ZFR: variants seen among roughly 807,000 people sequenced by gnomAD.
ZFR encodes the protein zinc finger RNA binding protein, also known as zinc finger RNA-binding protein.
ZFR carries 19 observed loss-of-function variants against 130.7 expected under a neutral mutation model. The observed-to-expected ratio is 0.15, with a 90% CI of 0.10 to 0.21. The LOEUF (loss-of-function observed/expected upper bound fraction) is 0.21, where lower values mean the gene tolerates loss of function less well. Among genes scored for constraint, ZFR ranks in the 10% least tolerant of loss-of-function variants. The probability of loss-of-function intolerance (pLI) is 1.00; values close to 1 mark genes in which losing one functional copy is unlikely to be tolerated. For missense variants in ZFR, 872 were observed against 1,321.5 expected (o/e 0.66, Z 5.27); for synonymous variants, 466 against 456.9 (o/e 1.02, Z -0.25).
chr5:32,407,875 G>T (rs1015388273), intron 5 of ZFR, among the ~76,000 whole-genome samples: 1 of 152,074 alleles, frequency 6.6e-6, no homozygotes, highest in Non-Finnish European at 1.5e-5. Context: ...ATCTGTGAAC[G>T]TGGAGACGGG....
At chr5:32,424,456 A>G (rs1754026782) in intron 2 of ZFR, among the ~76,000 whole-genome samples, 1 of 151,914 alleles carries the variant, frequency 6.6e-6, no homozygotes, top group Non-Finnish European at 1.5e-5. Flanking sequence ...GCGTGAGCCC[A>G]GAAGGCGGAG....
intron 15 of ZFR, among the ~76,000 whole-genome samples, chr5:32,385,264 CAAG>C (rs1753020573): frequency 6.6e-6 from 1 of 151,560 alleles, no homozygotes; most frequent in Non-Finnish European, 1.5e-5. Context: ...CTGAGGTTAG[CAAG>C]AAAAGAAAGA....
At chr5:32,366,153 A>G (rs2111666941) in intron 17 of ZFR, among the ~76,000 whole-genome samples, 1 of 152,360 alleles carries the variant, frequency 6.6e-6, no homozygotes, top group East Asian at 1.9e-4. Context: ...GATTTTGGAA[A>G]GAATGTGAGA....
chr5:32,379,933 T>C (rs1321480574), intron 16 of ZFR, 142 bp downstream of exon 16: 3 of 592,942 alleles, frequency 5.1e-6, no homozygotes, highest in African/African-American at 3.7e-5. Flanking sequence ...CCCAGCTTTC[T>C]ATGTTAACAT....
intron 5 of ZFR, among the ~76,000 whole-genome samples, chr5:32,410,283 C>A (rs1410904076): frequency 4.0e-4 from 45 of 113,154 alleles, no homozygotes; most frequent in East Asian, 2.1e-3. Context: ...ACACTGTCTC[C>A]AAAAAAAAAA....
intron 19 of ZFR, among the ~76,000 whole-genome samples, chr5:32,361,728 C>T (rs867335818): frequency 2.0e-5 from 3 of 150,564 alleles, no homozygotes; most frequent in Admixed American, 1.3e-4. Context: ...AAGCGATTCT[C>T]GTGCCTTAGT....
Position 32,388,536 on chromosome 5 carries a change from T to A in ZFR, c.2281A>T (p.Ser761Cys). ...TTGTTCTTCTCATGTTCAGACAAACTGTCTGAAACGAGTTTTAAAGCACGT... is the reference window on the plus strand; with the variant it reads ...TTGTTCTTCTCATGTTCAGACAAACAGTCTGAAACGAGTTTTAAAGCACGT... ...TERALKLVSD[S>C]LSEHEKNKNK... is the part of the protein sequence containing the mutation. The change falls in exon 13 of 20, where the codon AGT (serine) becomes TGT (cysteine). Residue 761 changes from serine to cysteine, a missense_variant. Ser to Cys is a moderately radical substitution (Grantham distance 112, BLOSUM62 -1). Transcript: ENST00000265069. The A allele has an allele frequency of 6.2e-7, 1 of 1,614,068 alleles. No individual in the cohort carries two copies. The highest frequency in any genetic ancestry group is 8.5e-7 in the Non-Finnish European group (1 of 1,179,948).
intron 17 of ZFR, among the ~76,000 whole-genome samples, chr5:32,370,583 A>G (rs953562518): frequency 3.9e-5 from 6 of 152,170 alleles, no homozygotes; most frequent in Admixed American, 6.5e-5. Flanking sequence ...TGCTATACAA[A>G]TAAGGCTGGT....
chr5:32,405,208 C>A (rs1341125645), intron 6 of ZFR, among the ~76,000 whole-genome samples: 2 of 152,122 alleles, frequency 1.3e-5, no homozygotes, highest in Admixed American at 6.5e-5. Flanking sequence ...TTATTTAGGG[C>A]AAGTCCTGTT....
intron 11 of ZFR, among the ~76,000 whole-genome samples, chr5:32,392,760 C>T (rs959453397): frequency 4.6e-5 from 7 of 152,060 alleles, no homozygotes; most frequent in African/African-American, 7.2e-5. Flanking sequence ...TTTGGGAGAC[C>T]GAGGCGGGCA....
intron 1 of ZFR, 111 bp downstream of exon 1, chr5:32,444,511 G>A (rs965934012): frequency 7.5e-7 from 1 of 1,335,124 alleles, no homozygotes; most frequent in Non-Finnish European, 9.7e-7. Context: ...CGCACGCCCG[G>A]GTGGCGGCCG....
chr5:32,385,759 G>A (rs7718350), intron 14 of ZFR, 110 bp from the exon 15 acceptor site: 514,882 of 1,211,276 alleles, frequency 0.43, 111,975 homozygotes, highest in East Asian at 0.58. Context: ...TCTATATGAG[G>A]ACCAGATTAT....
rs145327430 is a variant in ZFR at position 32,366,199 on chromosome 5, A to T, written c.2836-1924T>A. On this transcript the variant is annotated intron_variant, in intron 17 of 19. Coordinates refer to ENST00000265069, the MANE Select transcript of ZFR (RefSeq NM_016107.5). Reference sequence around the variant, plus strand: ...CAATTCAGTGATAAAATAAACCAAGAGTAATAATTAGCAAAATATTGATGT... The same window carrying T: ...CAATTCAGTGATAAAATAAACCAAGTGTAATAATTAGCAAAATATTGATGT... Among the ~76,000 whole-genome samples the T allele has an allele frequency of 3.3e-5, 5 of 152,340 alleles. No homozygotes were observed. The East Asian group carries it at 9.6e-4, about 29-fold the overall frequency.
intron 9 of ZFR, among the ~76,000 whole-genome samples, chr5:32,398,090 T>A (rs939199951): frequency 3.3e-5 from 5 of 151,754 alleles, no homozygotes; most frequent in Admixed American, 6.6e-5. Context: ...TCTCCTGACC[T>A]CGTGATCCGC....
intron 5 of ZFR, among the ~76,000 whole-genome samples, chr5:32,411,442 A>C (rs1455827530): frequency 6.6e-6 from 1 of 151,976 alleles, no homozygotes; most frequent in African/African-American, 2.4e-5. Flanking sequence ...TAATCTCAGC[A>C]CTTGGAGAGG....
chr5:32,422,638 A>C (rs1017215624), intron 2 of ZFR, among the ~76,000 whole-genome samples: 1 of 151,836 alleles, frequency 6.6e-6, no homozygotes, highest in East Asian at 2.0e-4. Context: ...CTCTACAGAA[A>C]ATTTTTTAAA....
In ZFR at chr5:32,406,997, G is replaced by A; in HGVS notation, c.809C>T (p.Ala270Val). ...GGAAGATGCAGCTGAATACACTGCT[G>A]CTTCATAACCTGAATAAGACGTACC... ...YSGTSYSGYE[A>V]AVYSAASSYY... The change falls in exon 6 of 20, where the codon GCA becomes GTA. Residue 270 changes from alanine to valine, a missense_variant. Ala to Val is a moderately conservative substitution (Grantham distance 64). Transcript: ENST00000265069. 1 of 1,556,730 alleles carries A rather than the reference G, an allele frequency of 6.4e-7. No individual in the cohort carries two copies. The highest frequency in any genetic ancestry group is 8.6e-7 in the Non-Finnish European group (1 of 1,159,064).
intron 17 of ZFR, among the ~76,000 whole-genome samples, chr5:32,372,929 T>G (rs1185833453): frequency 6.6e-6 from 1 of 152,194 alleles, no homozygotes; most frequent in Non-Finnish European, 1.5e-5. Flanking sequence ...GCAGATCTCT[T>G]CTTTTAAATA....
intron 4 of ZFR, among the ~76,000 whole-genome samples, chr5:32,415,536 T>G (rs1561908672): frequency 8.8e-6 from 1 of 113,750 alleles, no homozygotes; most frequent in Non-Finnish European, 2.0e-5. Flanking sequence ...GCGCGCGCAC[T>G]AGTCAGTCTA....
Sources: gnomAD v4.1 joint callset for allele counts (sites outside exome capture counted in the v4.1 genomes callset) on GRCh38, gnomAD v4.1.1 for gene constraint, MANE v1.5 for transcripts, NCBI Gene and HGNC (gene_info 2026-07-23, HGNC 2026-07-21) for gene names.